TAS2R1: variants seen among roughly 807,000 people sequenced by gnomAD.
TAS2R1 encodes taste 2 receptor member 1, also known as taste receptor type 2 member 1.
For synonymous variants in TAS2R1, 141 were observed against 134.2 expected, an observed-to-expected ratio of 1.05 and a Z score of -0.35; for missense variants, 370 against 353.4, an observed-to-expected ratio of 1.05 and a Z score of -0.38.
At chr5:9,766,906 G>A in the TAS2R1 span, among the ~76,000 whole-genome samples, 1 of 152,160 alleles carries the variant, frequency 6.6e-6, no homozygotes, top group Admixed American at 6.5e-5. Context: ...CGCCCTGGCT[G>A]CTCCTCACTT....
At position 9,679,532 on chromosome 5, in the gene TAS2R1, T is replaced by TA. The variant is rs1373653131; in HGVS notation, c.-241-19952dup. On this transcript the variant is annotated intron_variant, in intron 1 of 2. Coordinates refer to the TAS2R1 transcript ENST00000506620. ...AACAAAAGGCAACAGGAACTGCCCATAAACACTGTACTCTAGTTGATAAAG... is the reference window on the plus strand; with the variant it reads ...AACAAAAGGCAACAGGAACTGCCCATAAAACACTGTACTCTAGTTGATAAAG... 2.6e-5 allele frequency among the ~76,000 whole-genome samples: 4 copies of TA among 152,282 alleles called. No individual in the cohort carries two copies. The East Asian group carries it at 7.7e-4, about 29-fold the overall frequency.
chr5:9,682,123 G>C (rs533761583), intron 1 of TAS2R1, among the ~76,000 whole-genome samples: 1 of 152,268 alleles, frequency 6.6e-6, no homozygotes, highest in Admixed American at 6.5e-5. Context: ...CATTAAATGA[G>C]AGTATGTATT....
chr5:9,768,939 G>T, the TAS2R1 span, among the ~76,000 whole-genome samples: 1 of 151,940 alleles, frequency 6.6e-6, no homozygotes, highest in Admixed American at 6.6e-5. Flanking sequence ...ATCCTCCTTT[G>T]GTTATTTCAA....
chr5:9,800,354 C>A, the TAS2R1 span, among the ~76,000 whole-genome samples: 2 of 152,176 alleles, frequency 1.3e-5, no homozygotes, highest in Admixed American at 1.3e-4. Context: ...TTAGCTTAGT[C>A]TTAGACCAGA....
chr5:9,672,797 T>C (rs1740794089), intron 1 of TAS2R1, among the ~76,000 whole-genome samples: 1 of 152,184 alleles, frequency 6.6e-6, no homozygotes, highest in South Asian at 2.1e-4. Context: ...TTATTGGGTA[T>C]ATACCCAAAG....
chr5:9,893,603 TA>T, the TAS2R1 span, among the ~76,000 whole-genome samples: 1 of 152,002 alleles, frequency 6.6e-6, no homozygotes, highest in Non-Finnish European at 1.5e-5. Context: ...ATACTTGTAA[TA>T]AAAAAAATTC....
the TAS2R1 span, among the ~76,000 whole-genome samples, chr5:9,865,866 T>C: frequency 2.0e-5 from 3 of 152,250 alleles, no homozygotes; most frequent in East Asian, 3.8e-4. Flanking sequence ...GACAGTGATA[T>C]GCTAAAGCAT....
rs114314920 is a variant in TAS2R1, at chr5:9,651,232, G to A, written c.-81+8189C>T. Among the ~76,000 whole-genome samples, 1,078 of 152,196 alleles carry A rather than the reference G, an allele frequency of 7.1e-3. 10 individuals carry two copies. Among genetic ancestry groups the A allele is most frequent in the African/African-American group, 0.024 (1,008 of 41,530 alleles). Reference sequence around the variant, plus strand: ...CAGTCCTGGGGAGGGATGATATTACGTTTCACATATACATCACTGGATTAA... The same window carrying A: ...CAGTCCTGGGGAGGGATGATATTACATTTCACATATACATCACTGGATTAA... On this transcript the variant is annotated intron_variant, in intron 2 of 2. Transcript: ENST00000506620.
At chr5:9,641,856 A>G (rs187377439) in intron 2 of TAS2R1, 1 of 152,256 alleles carries the variant, frequency 6.6e-6, no homozygotes, top group African/African-American at 2.4e-5. Flanking sequence ...TGAAAAACGT[A>G]TATGTCTGGC....
the TAS2R1 span, among the ~76,000 whole-genome samples, chr5:9,830,979 A>G: frequency 2.0e-5 from 3 of 152,190 alleles, no homozygotes; most frequent in Admixed American, 6.5e-5. Flanking sequence ...TTAAAAAATC[A>G]TCTCATGCTT....
At chr5:9,831,120 T>C in the TAS2R1 span, among the ~76,000 whole-genome samples, 3 of 152,158 alleles carry the variant, frequency 2.0e-5, no homozygotes, top group Non-Finnish European at 4.4e-5. Flanking sequence ...ACAAGCATAA[T>C]ATAATTATAA....
chr5:9,816,175 C>A, the TAS2R1 span, among the ~76,000 whole-genome samples: 1 of 152,104 alleles, frequency 6.6e-6, no homozygotes, highest in Non-Finnish European at 1.5e-5. Context: ...CACAGTTTAT[C>A]AACTGTCAGC....
the TAS2R1 span, among the ~76,000 whole-genome samples, chr5:9,814,675 G>A: frequency 6.6e-6 from 1 of 152,098 alleles, no homozygotes; most frequent in South Asian, 2.1e-4. Context: ...CCTTCTCTAT[G>A]ACCCAATTTA....
At chr5:9,764,931 C>T in the TAS2R1 span, among the ~76,000 whole-genome samples, 1 of 152,190 alleles carries the variant, frequency 6.6e-6, no homozygotes, top group African/African-American at 2.4e-5. Context: ...AATGAGACTA[C>T]TTACATAAAC....
chr5:9,652,889 A>G (rs1313036542), intron 2 of TAS2R1, among the ~76,000 whole-genome samples: 3 of 152,222 alleles, frequency 2.0e-5, no homozygotes, highest in African/African-American at 4.8e-5. Context: ...AAATACACAT[A>G]TCATAAAAAT....
the TAS2R1 span, among the ~76,000 whole-genome samples, chr5:9,804,822 T>A: frequency 6.6e-6 from 1 of 151,862 alleles, no homozygotes; most frequent in South Asian, 2.1e-4. Context: ...TCTAAGCTCA[T>A]GCCTCATGGA....
At chr5:9,800,198 T>C in the TAS2R1 span, among the ~76,000 whole-genome samples, 1 of 152,200 alleles carries the variant, frequency 6.6e-6, no homozygotes, top group African/African-American at 2.4e-5. Flanking sequence ...CTGTTCAAAA[T>C]CCTACGATGT....
chr5:9,686,715 A>G (rs568685779), intron 1 of TAS2R1, among the ~76,000 whole-genome samples: 4 of 152,300 alleles, frequency 2.6e-5, no homozygotes, highest in Middle Eastern at 3.4e-3. Flanking sequence ...GACAAACTAT[A>G]TTACGTTCAC....
chr5:9,872,967 G>A, the TAS2R1 span, among the ~76,000 whole-genome samples: 1 of 152,108 alleles, frequency 6.6e-6, no homozygotes, highest in Admixed American at 6.5e-5. Context: ...TTTTTTTGAG[G>A]ATTTAGGGTG....
Sources: gnomAD v4.1 joint callset for allele counts (sites outside exome capture counted in the v4.1 genomes callset) on GRCh38, gnomAD v4.1.1 for gene constraint, MANE v1.5 for transcripts, NCBI Gene and HGNC (gene_info 2026-07-23, HGNC 2026-07-21) for gene names.